PCDH9: variants seen among roughly 807,000 people sequenced by gnomAD.
PCDH9 encodes the protein protocadherin 9, also known as protocadherin-9.
In PCDH9, 24 loss-of-function variants were observed where a neutral mutation model predicts 70.6. The observed-to-expected ratio is 0.34, with a 90% CI of 0.25 to 0.48. The LOEUF (loss-of-function observed/expected upper bound fraction) is 0.48, where lower values mean the gene tolerates loss of function less well. Ranked by LOEUF, PCDH9 falls within the 20% of genes least tolerant of loss-of-function variation. The probability of loss-of-function intolerance (pLI) is 0.99; values close to 1 mark genes in which losing one functional copy is unlikely to be tolerated. For synonymous variants in PCDH9, 562 were observed against 558.5 expected (o/e 1.01, Z -0.09); for missense variants, 1,281 against 1,503.6 (o/e 0.85, Z 2.45).
intron 3 of PCDH9, among the ~76,000 whole-genome samples, chr13:66,736,809 C>G (rs1022233206): frequency 2.0e-5 from 3 of 152,192 alleles, no homozygotes; most frequent in Admixed American, 1.3e-4. Flanking sequence ...ACTTCCTTTA[C>G]ACCTATCTGA....
chr13:67,115,545 C>T (rs1404009035), intron 2 of PCDH9, among the ~76,000 whole-genome samples: 2 of 152,116 alleles, frequency 1.3e-5, no homozygotes, highest in African/African-American at 4.8e-5. Flanking sequence ...ACAAAGTGAT[C>T]CTTGTAAACT....
intron 3 of PCDH9, among the ~76,000 whole-genome samples, chr13:66,808,368 T>C (rs1020308371): frequency 4.6e-5 from 7 of 152,046 alleles, no homozygotes; most frequent in African/African-American, 1.7e-4. Context: ...TTATGGTCCA[T>C]AAAAAAAGAT....
At chr13:66,312,197 A>G (rs989077631) in intron 4 of PCDH9, among the ~76,000 whole-genome samples, 2 of 152,210 alleles carry the variant, frequency 1.3e-5, no homozygotes, top group East Asian at 1.9e-4. Flanking sequence ...TAAAAAGGCT[A>G]GATTTTGATG....
chr13:66,697,324 G>T (rs1373764956), intron 3 of PCDH9, among the ~76,000 whole-genome samples: 1 of 151,244 alleles, frequency 6.6e-6, no homozygotes, highest in Non-Finnish European at 1.5e-5. Context: ...TTTCTTCATT[G>T]TCCACCTCTC....
chr13:66,850,356 T>C (rs1337196685), intron 3 of PCDH9, among the ~76,000 whole-genome samples: 1 of 151,954 alleles, frequency 6.6e-6, no homozygotes, highest in Non-Finnish European at 1.5e-5. Context: ...CCATCTCTAC[T>C]AAAAATGCAG....
intron 3 of PCDH9, among the ~76,000 whole-genome samples, chr13:66,772,101 T>G (rs1225121848): frequency 3.3e-5 from 5 of 152,172 alleles, no homozygotes; most frequent in African/African-American, 1.2e-4. Flanking sequence ...ATAAGGAATT[T>G]GGAAAAAATA....
chr13:66,627,288 C>T (rs1247658959), intron 4 of PCDH9, among the ~76,000 whole-genome samples: 1 of 152,132 alleles, frequency 6.6e-6, no homozygotes, highest in Non-Finnish European at 1.5e-5. Flanking sequence ...ACAAATTCCA[C>T]TGAATTCAAA....
intron 2 of PCDH9, among the ~76,000 whole-genome samples, chr13:67,093,922 A>T (rs1476712109): frequency 6.6e-6 from 1 of 152,190 alleles, no homozygotes; most frequent in Non-Finnish European, 1.5e-5. Flanking sequence ...GATAGTAGAA[A>T]AGGTACCAGA....
chr13:66,669,019 T>A (rs753881869), intron 3 of PCDH9, among the ~76,000 whole-genome samples: 10 of 152,192 alleles, frequency 6.6e-5, no homozygotes, highest in African/African-American at 2.2e-4. Context: ...TTTAATCTTA[T>A]GTTGCATTTG....
intron 2 of PCDH9, among the ~76,000 whole-genome samples, chr13:66,988,628 T>C (rs1342434602): frequency 2.0e-5 from 3 of 151,946 alleles, no homozygotes; most frequent in African/African-American, 7.2e-5. Flanking sequence ...CCAGACGGAA[T>C]GTAAATAAAG....
At chr13:66,850,949 T>A (rs1158079518) in intron 3 of PCDH9, among the ~76,000 whole-genome samples, 1 of 152,238 alleles carries the variant, frequency 6.6e-6, no homozygotes, top group Non-Finnish European at 1.5e-5. Flanking sequence ...GCTAGTCTTT[T>A]CTGAACTGAA....
At chr13:66,651,114 C>A (rs184373424) in intron 3 of PCDH9, among the ~76,000 whole-genome samples, 1 of 151,206 alleles carries the variant, frequency 6.6e-6, no homozygotes, top group Non-Finnish European at 1.5e-5. Flanking sequence ...CCTAAAAATG[C>A]ATCTTAGAGA....
intron 2 of PCDH9, among the ~76,000 whole-genome samples, chr13:67,029,951 T>C (rs2084870848): frequency 6.6e-6 from 1 of 152,202 alleles, no homozygotes; most frequent in African/African-American, 2.4e-5. Flanking sequence ...ACCCACATTA[T>C]TGCAATATTT....
intron 2 of PCDH9, among the ~76,000 whole-genome samples, chr13:66,956,773 A>G (rs2083271193): frequency 6.6e-6 from 1 of 152,048 alleles, no homozygotes; most frequent in African/African-American, 2.4e-5. Flanking sequence ...CAAAGTAGAA[A>G]TGTGACTATG....
intron 2 of PCDH9, among the ~76,000 whole-genome samples, chr13:66,982,513 C>T (rs1389076616): frequency 6.6e-6 from 1 of 152,086 alleles, no homozygotes; most frequent in East Asian, 1.9e-4. Flanking sequence ...AAAGGTAGGA[C>T]TAAAAATAGT....
At chr13:66,692,920 T>C (rs937400262) in intron 3 of PCDH9, among the ~76,000 whole-genome samples, 1 of 151,926 alleles carries the variant, frequency 6.6e-6, no homozygotes, top group African/African-American at 2.4e-5. Flanking sequence ...TGAGGAAAAA[T>C]GTACAAGCAA....
intron 3 of PCDH9, among the ~76,000 whole-genome samples, chr13:66,752,463 T>C (rs1784824466): frequency 6.6e-6 from 1 of 151,968 alleles, no homozygotes; most frequent in Admixed American, 6.6e-5. Context: ...TGCTCAGCTG[T>C]TTTTTGTATT....
intron 2 of PCDH9, among the ~76,000 whole-genome samples, chr13:67,095,239 T>A (rs1039670741): frequency 6.6e-6 from 1 of 152,154 alleles, no homozygotes; most frequent in African/African-American, 2.4e-5. Flanking sequence ...CCAAGGAGTA[T>A]TTCAGCGTTT....
chr13:66,566,622 C>T (rs2076655776), intron 4 of PCDH9, among the ~76,000 whole-genome samples: 1 of 152,088 alleles, frequency 6.6e-6, no homozygotes, highest in Non-Finnish European at 1.5e-5. Context: ...ACATGCATTG[C>T]TTTTACTAAC....
Sources: allele counts gnomAD v4.1 joint callset (sites outside exome capture counted in the v4.1 genomes callset), GRCh38; gene constraint gnomAD v4.1.1; transcripts MANE v1.5; gene names NCBI Gene and HGNC (gene_info 2026-07-23, HGNC 2026-07-21).